ABLIM1: variants seen among roughly 807,000 people sequenced by gnomAD.
ABLIM1 encodes actin-binding LIM protein 1.
Under a neutral mutation model 107.0 loss-of-function variants are expected in ABLIM1, and 40 were observed. The observed-to-expected ratio is 0.37, with a 90% confidence interval of 0.29 to 0.49. ABLIM1 has a LOEUF of 0.49. Ranked by LOEUF, ABLIM1 falls within the 20% of genes least tolerant of loss-of-function variation. The pLI is 0.97. For missense variants in ABLIM1, 857 were observed against 1,008.5 expected (o/e 0.85, Z 2.04); for synonymous variants, 357 against 357.3 (o/e 1.00, Z 0.01).
chr10:114,448,098 T>A (rs376823687), intron 14 of ABLIM1, 78 bp from the exon 15 acceptor site: 3 of 1,566,980 alleles, frequency 1.9e-6, no homozygotes, highest in African/African-American at 1.4e-5. Context: ...CTTACATAGT[T>A]TTCTTGTTCT....
chr10:114,613,931 G>C (rs922010574), intron 1 of ABLIM1, among the ~76,000 whole-genome samples: 2 of 152,130 alleles, frequency 1.3e-5, no homozygotes, highest in African/African-American at 4.8e-5. Context: ...CCGGTGACAA[G>C]GGAGCATAAC....
At chr10:114,567,154 C>T (rs1365568600) in intron 4 of ABLIM1, among the ~76,000 whole-genome samples, 7 of 152,172 alleles carry the variant, frequency 4.6e-5, no homozygotes, top group African/African-American at 9.7e-5. Context: ...GTCAGGGCAC[C>T]TGGATAATCT....
At chr10:114,773,002 T>C (rs1227309044), upstream of ABLIM1, among the ~76,000 whole-genome samples, 1 of 151,984 alleles carries the variant, frequency 6.6e-6, no homozygotes, top group Non-Finnish European at 1.5e-5. Flanking sequence ...AATTGGAAAG[T>C]AGATATTAAA....
At chr10:114,460,552 G>A (rs973037571) in intron 12 of ABLIM1, among the ~76,000 whole-genome samples, 2 of 152,224 alleles carry the variant, frequency 1.3e-5, no homozygotes, top group Non-Finnish European at 1.5e-5. Context: ...AGTGAGCTGA[G>A]ATTGTGCCAC....
chr10:114,591,405 A>T (rs928002791), intron 2 of ABLIM1, among the ~76,000 whole-genome samples: 1 of 152,210 alleles, frequency 6.6e-6, no homozygotes, highest in Admixed American at 6.5e-5. Flanking sequence ...GTCAATAGCC[A>T]GTTATCATTT....
At chr10:114,797,609 C>T in the ABLIM1 span, among the ~76,000 whole-genome samples, 1 of 152,106 alleles carries the variant, frequency 6.6e-6, no homozygotes, top group Non-Finnish European at 1.5e-5. Context: ...GCAGTAATCC[C>T]TTCCTTATTT....
At chr10:114,480,758 T>C (rs941343914) in intron 8 of ABLIM1, among the ~76,000 whole-genome samples, 1 of 152,220 alleles carries the variant, frequency 6.6e-6, no homozygotes. Context: ...CAGTCTGTCA[T>C]GATGAAGGGG....
chr10:114,649,203 G>C lies in ABLIM1; in HGVS notation c.244+8754C>G, dbSNP rs557741404. ...ATTTGAGGTCAGGAGTTCAAGACCA[G>C]CTTTGGCCAACATGGTGAAACCCCA... On this transcript the variant is annotated intron_variant, in intron 1 of 22. Coordinates refer to ENST00000533213, the MANE Select transcript of ABLIM1 (RefSeq NM_002313.7). Among the ~76,000 whole-genome samples the C allele has an allele frequency of 1.8e-4, 28 of 152,022 alleles. No homozygotes were observed. The East Asian group carries it at 5.1e-3, about 27-fold the overall frequency.
chr10:114,658,104 T>G lies in ABLIM1; in HGVS notation c.97A>C (p.Asn33His), dbSNP rs756284760. 1 of 1,614,222 alleles carries G rather than the reference T, an allele frequency of 6.2e-7. No homozygotes were observed. The highest frequency in any genetic ancestry group is 1.1e-5 in the South Asian group (1 of 91,078). The change falls in exon 1 of 23, where the codon AAC becomes CAC. Residue 33 changes from asparagine to histidine, a missense_variant. Physicochemically the swap from Asn to His is moderately conservative, Grantham distance 68 (BLOSUM62 1). This residue lies in a region of ABLIM1 where 176 missense variants were observed against 173.5 expected (regional missense o/e 1.01). Transcript: ENST00000533213. ...SSERTSARGS[N>H]RKRLIVEDRR... is the part of the protein sequence containing the mutation. ...TCCTCAACAATCAGTCTCTTTCTGT[T>G]CGAGCCCCTGGCACTGGTTCTCTCA...
intron 1 of ABLIM1, among the ~76,000 whole-genome samples, chr10:114,664,741 AC>A (rs2079946902): frequency 6.7e-6 from 1 of 149,116 alleles, no homozygotes; most frequent in Non-Finnish European, 1.5e-5. Flanking sequence ...ATGGGGTTTC[AC>A]CATGTTGGCC....
intron 2 of ABLIM1, among the ~76,000 whole-genome samples, chr10:114,600,047 T>C (rs1297132629): frequency 1.3e-5 from 2 of 152,182 alleles, no homozygotes; most frequent in Non-Finnish European, 1.5e-5. Flanking sequence ...TTATCTGGTA[T>C]ATGGAACCTG....
chr10:114,690,080 G>C (rs1267341206), intron 1 of ABLIM1: 1 of 898,202 alleles, frequency 1.1e-6, no homozygotes, highest in Non-Finnish European at 1.7e-6. Context: ...AAATGGGGTG[G>C]AGGGTGCTCT....
chr10:114,575,443 G>C lies in ABLIM1; in HGVS notation c.536C>G (p.Pro179Arg), dbSNP rs1565982168. 6.2e-7 allele frequency: 1 copy of C among 1,614,102 alleles called. No homozygotes were observed. The highest frequency in any genetic ancestry group is 2.2e-5 in the East Asian group (1 of 44,884). ...GCAGATAGTACAAGCAAAGCAATTG[G>C]GATGGTAGGTCTTGCCCAGAGCAGT... ...VVTALGKTYH[P>R]NCFACTICKR... Residue 179 changes from proline (P) to arginine (R), a missense_variant, in exon 3 of 23, where the codon CCC becomes CGC. Transcript: ENST00000533213.
rs200788768 is a variant in ABLIM1, at chr10:114,641,248, A to T, written c.244+16709T>A. ...AGAAAGTCACTGTGAAGCCAATCAT[A>T]AAAAAAAAAAAAAAAAAAAAAAAAA... is the stretch of plus-strand genomic sequence containing the variant. On this transcript the variant is annotated intron_variant, in intron 1 of 22. Transcript: ENST00000533213. Among the ~76,000 whole-genome samples, 100 of 68,478 alleles carry T rather than the reference A, an allele frequency of 1.5e-3. 2 individuals carry two copies. The East Asian group carries it at 0.034, about 23-fold the overall frequency. 44.9% of individuals were successfully genotyped at this position (68,478 alleles called of 152,430 possible).
intron 1 of ABLIM1, among the ~76,000 whole-genome samples, chr10:114,672,276 C>T (rs1187383219): frequency 6.6e-6 from 1 of 152,158 alleles, no homozygotes; most frequent in African/African-American, 2.4e-5. Context: ...TTTCTGTTCA[C>T]TGCAACCTCC....
At chr10:114,441,110 T>G (rs1164197480) in intron 18 of ABLIM1, 33 bp from the exon 19 acceptor site, 19 of 1,548,428 alleles carry the variant, frequency 1.2e-5, no homozygotes, top group Non-Finnish European at 1.7e-5. Flanking sequence ...TTAGGAAATC[T>G]CCATAGTGAT....
In ABLIM1 at chr10:114,434,795, G is replaced by C. The variant is rs906447206; in HGVS notation, c.*1465C>G. On this transcript the variant is annotated 3_prime_UTR_variant, in exon 23 of 23. Transcript: ENST00000533213. ...TTGGGGAAACCCTAGGCTCATATTC[G>C]AATCTAGTGTTGCAGAGCCTGAGGG... is the stretch of plus-strand genomic sequence containing the variant. 6.6e-6 allele frequency: 1 copy of C among 152,044 alleles called. No individual in the cohort carries two copies. The highest frequency in any genetic ancestry group is 2.4e-5 in the African/African-American group (1 of 41,398). 9.4% of individuals were successfully genotyped at this position (152,044 alleles called of 1,614,324 possible).
intron 6 of ABLIM1, among the ~76,000 whole-genome samples, chr10:114,513,653 G>C (rs1231708579): frequency 1.3e-5 from 2 of 152,116 alleles, no homozygotes; most frequent in African/African-American, 4.8e-5. Flanking sequence ...AATTCACCTT[G>C]GTGGCGGGTA....
intron 17 of ABLIM1, among the ~76,000 whole-genome samples, 172 bp downstream of exon 17, chr10:114,443,857 A>T (rs2060600002): frequency 6.6e-6 from 1 of 152,096 alleles, no homozygotes; most frequent in Admixed American, 6.5e-5. Context: ...ACACACATTT[A>T]TGGAAGACCC....
Sources: gnomAD v4.1 joint callset for allele counts (sites outside exome capture counted in the v4.1 genomes callset) on GRCh38, gnomAD v4.1.1 for gene constraint, gnomAD v4.1.1 regional missense constraint, MANE v1.5 for transcripts, NCBI Gene and HGNC (gene_info 2026-07-23, HGNC 2026-07-21) for gene names.